The following CLDN10 variants were observed in gnomAD, a reference collection of about 807,000 sequenced individuals.
CLDN10 encodes the protein claudin-10.
Under a neutral mutation model 22.9 loss-of-function variants are expected in CLDN10, and 15 were observed. The ratio of observed to expected loss-of-function variants is 0.65; its 90% CI spans 0.44 to 1.01. The LOEUF (loss-of-function observed/expected upper bound fraction) is 1.01, where lower values mean the gene tolerates loss of function less well. Among genes scored for constraint, CLDN10 ranks in the 50% least tolerant of loss-of-function variants. The pLI, the probability that CLDN10 is intolerant of heterozygous loss-of-function variation, is 0.00. For missense variants in CLDN10, 247 were observed against 287.8 expected, an observed-to-expected ratio of 0.86 and a Z score of 1.03; for synonymous variants, 114 against 111.4, an observed-to-expected ratio of 1.02 and a Z score of -0.15.
At chr13:95,477,114 AAGAG>A (rs376500959) in intron 1 of CLDN10, among the ~76,000 whole-genome samples, 1 of 152,278 alleles carries the variant, frequency 6.6e-6, no homozygotes, top group South Asian at 2.1e-4. Flanking sequence ...ACTCTCACTG[AAGAG>A]AGAGTTTCTT....
chr13:95,547,776 A>G (rs1340856903), upstream of CLDN10, among the ~76,000 whole-genome samples: 14 of 152,246 alleles, frequency 9.2e-5, no homozygotes, highest in East Asian at 2.3e-3. Context: ...TTTCTCCTAA[A>G]CAGAAGGAAT....
chr13:95,448,717 T>C (rs879672576), intron 1 of CLDN10, among the ~76,000 whole-genome samples: 1 of 149,346 alleles, frequency 6.7e-6, no homozygotes, highest in African/African-American at 2.5e-5. Flanking sequence ...CACTAAGCCA[T>C]AGTATTTTAT....
intron 1 of CLDN10, among the ~76,000 whole-genome samples, chr13:95,521,316 G>A (rs2043222320): frequency 6.6e-6 from 1 of 152,126 alleles, no homozygotes; most frequent in Non-Finnish European, 1.5e-5. Flanking sequence ...TTGCTTTGGG[G>A]ATGTGTATCT....
chr13:95,546,408 A>C (rs1048724034), intron 1 of CLDN10, among the ~76,000 whole-genome samples: 1 of 152,164 alleles, frequency 6.6e-6, no homozygotes, highest in Non-Finnish European at 1.5e-5. Flanking sequence ...ACCCCATTGC[A>C]TGGAGTTTTT....
At chr13:95,544,526 C>A (rs1365666626) in intron 1 of CLDN10, among the ~76,000 whole-genome samples, 1 of 152,152 alleles carries the variant, frequency 6.6e-6, no homozygotes, top group Non-Finnish European at 1.5e-5. Flanking sequence ...TCATTCTTTA[C>A]AAACCCTAAA....
intron 1 of CLDN10, among the ~76,000 whole-genome samples, chr13:95,554,502 G>C (rs1003790704): frequency 5.3e-5 from 8 of 152,150 alleles, no homozygotes; most frequent in Admixed American, 2.0e-4. Flanking sequence ...ATACCTGTTT[G>C]GGGGCAGATC....
chr13:95,578,623 T>C lies in CLDN10; in HGVS notation c.*609T>C, dbSNP rs897133762. Reference sequence around the variant, plus strand: ...AGGATCTTGCTCATTCATGGCCATATCCACATGCCCATGGCCACTCAGTAG... The same window carrying C: ...AGGATCTTGCTCATTCATGGCCATACCCACATGCCCATGGCCACTCAGTAG... On this transcript the variant is annotated 3_prime_UTR_variant, in exon 5 of 5. Transcript: ENST00000299339. The C allele has an allele frequency of 1.3e-5, 2 of 152,188 alleles. No homozygotes were observed. Among genetic ancestry groups the C allele is most frequent in the Admixed American group, 1.3e-4 (2 of 15,276 alleles). 9.4% of individuals were successfully genotyped at this position (152,188 alleles called of 1,614,324 possible).
exon 1 of CLDN10, chr13:95,434,027 T>C: frequency 2.5e-6 from 4 of 1,614,160 alleles, no homozygotes; most frequent in Non-Finnish European, 3.4e-6. Context: ...CGACCGCATT[T>C]TACTATCTTC....
Position 95,481,063 on chromosome 13 carries a change from G to A in CLDN10, c.214+47016G>A, listed in dbSNP as rs749320211. Among the ~76,000 whole-genome samples, 25 of 152,048 alleles carry A rather than the reference G, an allele frequency of 1.6e-4. No individual in the cohort carries two copies. The East Asian group carries it at 3.5e-3, about 21-fold the overall frequency. ...ATAAATTCAAGCACAGGCACTCTCC[G>A]TCCACCCTGTAACAGCTGCATCTTG... is the stretch of plus-strand genomic sequence containing the variant. On this transcript the variant is annotated intron_variant, in intron 1 of 4. Transcript: ENST00000376873.
intron 1 of CLDN10, among the ~76,000 whole-genome samples, chr13:95,434,646 AAC>A (rs2042248958): frequency 6.6e-6 from 1 of 152,208 alleles, no homozygotes; most frequent in Admixed American, 6.5e-5. Flanking sequence ...ACACATATGT[AAC>A]ACACATATAT....
At chr13:95,554,557 T>A (rs1379981931) in intron 1 of CLDN10, among the ~76,000 whole-genome samples, 1 of 152,154 alleles carries the variant, frequency 6.6e-6, no homozygotes, top group Non-Finnish European at 1.5e-5. Flanking sequence ...CCTGGTTAGC[T>A]GGGAGGAGAA....
chr13:95,484,875 A>AG (rs1463441188), intron 1 of CLDN10, among the ~76,000 whole-genome samples: 2,978 of 127,694 alleles, frequency 0.023, 86 homozygotes, highest in South Asian at 0.037. Flanking sequence ...CAAAAAAAAA[A>AG]AAAAAAAAAA....
At chr13:95,571,145 A>T (rs1594621909) in intron 3 of CLDN10, among the ~76,000 whole-genome samples, 1 of 152,078 alleles carries the variant, frequency 6.6e-6, no homozygotes, top group East Asian at 1.9e-4. Flanking sequence ...TCTAGAAAGC[A>T]TCCACCACAG....
At chr13:95,550,010 C>T (rs1393327954), upstream of CLDN10, among the ~76,000 whole-genome samples, 1 of 152,180 alleles carries the variant, frequency 6.6e-6, no homozygotes, top group South Asian at 2.1e-4. Context: ...TTTATACACA[C>T]ATACACAGAG....
At chr13:95,437,368 T>C (rs2042282390) in intron 1 of CLDN10, among the ~76,000 whole-genome samples, 1 of 152,248 alleles carries the variant, frequency 6.6e-6, no homozygotes, top group African/African-American at 2.4e-5. Flanking sequence ...CTTTAGACAC[T>C]AAGTCTACCA....
At chr13:95,439,920 T>C (rs1418981859) in intron 1 of CLDN10, among the ~76,000 whole-genome samples, 2 of 55,758 alleles carry the variant, frequency 3.6e-5, no homozygotes, top group Admixed American at 1.6e-4. Context: ...ATATTAACCC[T>C]TTTTTTTTTT....
At chr13:95,536,870 T>C (rs1408122563) in intron 1 of CLDN10, among the ~76,000 whole-genome samples, 1 of 152,218 alleles carries the variant, frequency 6.6e-6, no homozygotes, top group Non-Finnish European at 1.5e-5. Flanking sequence ...TCTCATGAAA[T>C]ATAGTGCGGT....
intron 1 of CLDN10, among the ~76,000 whole-genome samples, chr13:95,483,285 T>C (rs1280415974): frequency 4.6e-5 from 7 of 152,212 alleles, no homozygotes; most frequent in Non-Finnish European, 7.3e-5. Context: ...ATTTGGGAGA[T>C]TTACCCTTAG....
Position 95,565,926 on chromosome 13 carries a change from T to G in CLDN10, c.464+5463T>G, listed in dbSNP as rs984156285. Among the ~76,000 whole-genome samples, 4 of 152,320 alleles carry G rather than the reference T, an allele frequency of 2.6e-5. No homozygotes were observed. In the East Asian group the frequency reaches 7.7e-4, roughly 29 times the overall value. On this transcript the variant is annotated intron_variant, in intron 3 of 4. Coordinates refer to ENST00000299339, the MANE Select transcript of CLDN10 (RefSeq NM_006984.5). ...TTGCTGAGAATGATGGTTTCCAGCT[T>G]CATCCATATCCCTGCCAAGGACATG...
Sources: allele counts gnomAD v4.1 joint callset (sites outside exome capture counted in the v4.1 genomes callset), GRCh38; gene constraint gnomAD v4.1.1; transcripts MANE v1.5; gene names NCBI Gene and HGNC (gene_info 2026-07-23, HGNC 2026-07-21).